Variants in KDM6A observed in about 807,000 individuals in gnomAD.
The protein encoded by KDM6A is lysine-specific demethylase 6A.
A neutral mutation model predicts 117.6 loss-of-function variants in KDM6A; 11 were observed. That is an observed-to-expected ratio of 0.09 (90% CI 0.06 to 0.15). KDM6A has a LOEUF of 0.15. KDM6A is among the 10% of genes least tolerant of loss of function. The pLI is 1.00. For synonymous variants in KDM6A, 384 were observed against 396.1 expected (o/e 0.97, Z 0.36); for missense variants, 799 against 1,077.3 (o/e 0.74, Z 3.62).
intron 2 of KDM6A, among the ~76,000 whole-genome samples, chrX:44,940,655 C>T (rs1177797041): frequency 9.0e-6 from 1 of 111,724 alleles, no homozygotes; most frequent in African/African-American, 3.3e-5. Context: ...CAAAGTGATG[C>T]TCCATGAAAA....
At chrX:44,996,741 T>C (rs1269148615) in intron 4 of KDM6A, among the ~76,000 whole-genome samples, 1 of 111,528 alleles carries the variant, frequency 9.0e-6, no homozygotes, top group African/African-American at 3.3e-5. Context: ...TATTAAAGAC[T>C]GTAAGATACT....
chrX:44,991,115 C>T lies in KDM6A; in HGVS notation c.384+16400C>T, dbSNP rs189558959. On this transcript the variant is annotated intron_variant, in intron 4 of 29. Coordinates refer to ENST00000611820, the MANE Select transcript of KDM6A (RefSeq NM_001291415.2). The stretch of plus-strand genomic sequence containing the variant: ...TACTTTTTTAGGTTGTAAATCTCTG[C>T]TACATTTGTTTATGGTCACATATAC... 3.2e-4 allele frequency among the ~76,000 whole-genome samples: 36 copies of T among 111,529 alleles called. No individual in the cohort carries two copies. In the East Asian group the frequency reaches 0.01, roughly 31 times the overall value.
chrX:44,960,770 T>G (rs1485818567), intron 2 of KDM6A, among the ~76,000 whole-genome samples: 1 of 111,361 alleles, frequency 9.0e-6, no homozygotes, highest in Non-Finnish European at 1.9e-5. Flanking sequence ...GAGAAGACAA[T>G]GGAAAGGCAG....
At chrX:45,051,260 G>T (rs1479619276) in intron 8 of KDM6A, among the ~76,000 whole-genome samples, 2 of 111,291 alleles carry the variant, frequency 1.8e-5, no homozygotes, top group African/African-American at 6.6e-5. Flanking sequence ...TGCCTGCCTC[G>T]GCCTCCCAAA....
chrX:45,074,843 G>A (rs769182598), intron 18 of KDM6A, among the ~76,000 whole-genome samples: 13 of 111,490 alleles, frequency 1.2e-4, no homozygotes, highest in Non-Finnish European at 3.8e-5. Flanking sequence ...ATTTTCCATT[G>A]TTTTACTTTG....
chrX:44,957,754 C>G (rs142893805), intron 2 of KDM6A, among the ~76,000 whole-genome samples: 26 of 111,279 alleles, frequency 2.3e-4, no homozygotes, highest in African/African-American at 8.2e-4. Flanking sequence ...GAGGGTATTG[C>G]TTTTATCCTC....
chrX:45,011,334 T>A (rs2041749200), intron 5 of KDM6A, among the ~76,000 whole-genome samples: 1 of 111,471 alleles, frequency 9.0e-6, no homozygotes, highest in Admixed American at 9.6e-5. Context: ...TTATTTGAAC[T>A]GGTGAATCAC....
chrX:45,044,361 A>G (rs898038978), intron 8 of KDM6A, among the ~76,000 whole-genome samples: 1 of 111,564 alleles, frequency 9.0e-6, no homozygotes, highest in Admixed American at 9.5e-5. Context: ...CACTATCTTG[A>G]TTCTTATAGC....
chrX:44,937,570 A>T (rs1425470273), intron 2 of KDM6A, among the ~76,000 whole-genome samples: 1 of 111,894 alleles, frequency 8.9e-6, no homozygotes, highest in Admixed American at 9.5e-5. Flanking sequence ...GCGCATGTGC[A>T]ATAGTAAACT....
intron 2 of KDM6A, 144 bp downstream of exon 2, chrX:44,874,131 T>TC: frequency 1.9e-6 from 1 of 531,622 alleles, no homozygotes; most frequent in Non-Finnish European, 3.2e-6. Flanking sequence ...GCCTCTGCTC[T>TC]CCCCCCACCC....
rs1338510186 is a variant in KDM6A at position 45,050,566 on chromosome X, G to GT, written c.655-1142dup. 2.7e-5 allele frequency among the ~76,000 whole-genome samples: 3 copies of GT among 111,564 alleles called. No individual in the cohort carries two copies. The Admixed American group carries it at 2.9e-4, about 11-fold the overall frequency. ...CCTGAGGTTCATACAGCCTAGTTTT[G>GT]TATTTCTACCTACTTTTTTTTGAAA... On this transcript the variant is annotated intron_variant, in intron 8 of 29. Transcript: ENST00000611820.
In KDM6A at chrX:45,002,681, A is replaced by G. The variant is rs759730904; in HGVS notation, c.385-8280A>G. On this transcript the variant is annotated intron_variant, in intron 4 of 29. Coordinates refer to ENST00000611820, the MANE Select transcript of KDM6A (RefSeq NM_001291415.2). ...CCTAATTACTTTTAAATTATATAAC[A>G]TTTCTTGCATAAATTCCCTTTTATA... is the stretch of plus-strand genomic sequence containing the variant. Among the ~76,000 whole-genome samples, 679 of 111,625 alleles carry G rather than the reference A, an allele frequency of 6.1e-3. 1 individual carries two copies. Among genetic ancestry groups the G allele is most frequent in the Non-Finnish European group, 0.01 (535 of 53,069 alleles).
At chrX:44,924,648 GGTGTGTGTGT>G (rs112587323) in intron 2 of KDM6A, among the ~76,000 whole-genome samples, 97 of 90,451 alleles carry the variant, frequency 1.1e-3, no homozygotes, top group African/African-American at 1.3e-3. Context: ...GGTGGTCCTG[GGTGTGTGTGT>G]GTGTGTGTGT....
intron 2 of KDM6A, among the ~76,000 whole-genome samples, chrX:44,918,822 T>G (rs1267284488): frequency 8.9e-6 from 1 of 111,786 alleles, no homozygotes; most frequent in Admixed American, 9.5e-5. Context: ...GGCTGTATAT[T>G]TAGGTGAAAG....
chrX:45,015,032 G>C, intron 5 of KDM6A, among the ~76,000 whole-genome samples: 1 of 111,956 alleles, frequency 8.9e-6, no homozygotes, highest in African/African-American at 3.2e-5. Context: ...AATTCAGAAA[G>C]ACAGAAATAT....
In KDM6A at chrX:44,938,573, T is replaced by G. The variant is rs1406689896; in HGVS notation, c.226-22711T>G. 3.6e-5 allele frequency among the ~76,000 whole-genome samples: 4 copies of G among 112,425 alleles called. No homozygotes were observed. The East Asian group carries it at 1.1e-3, about 31-fold the overall frequency. On this transcript the variant is annotated intron_variant, in intron 2 of 29. Coordinates refer to ENST00000611820, the MANE Select transcript of KDM6A (RefSeq NM_001291415.2). ...TGCAAGGTGAGGTAGCAAGTGCTAA[T>G]GGAGAAGTGTAGCAAGTTATCCAGA...
chrX:45,028,105 G>T (rs997505169), intron 6 of KDM6A, among the ~76,000 whole-genome samples: 1 of 111,857 alleles, frequency 8.9e-6, no homozygotes, highest in African/African-American at 3.3e-5. Flanking sequence ...GAGCCACCAC[G>T]CCCGGCCTGT....
chrX:45,059,980 G>A, intron 12 of KDM6A, 42 bp from the exon 13 acceptor site: 1 of 1,192,946 alleles, frequency 8.4e-7, no homozygotes, highest in Non-Finnish European at 1.1e-6. Context: ...TCTTACTCAA[G>A]TAGGCTTGTG....
At chrX:45,109,743 T>C (rs1357303295) in intron 28 of KDM6A, among the ~76,000 whole-genome samples, 1 of 111,664 alleles carries the variant, frequency 9.0e-6, no homozygotes, top group African/African-American at 3.3e-5. Flanking sequence ...ATAAAAATGA[T>C]CACTTATGTC....
Sources: gnomAD v4.1 joint callset for allele counts (sites outside exome capture counted in the v4.1 genomes callset) on GRCh38, gnomAD v4.1.1 for gene constraint, MANE v1.5 for transcripts, NCBI Gene and HGNC (gene_info 2026-07-23, HGNC 2026-07-21) for gene names.